Variants in CLDN16 observed in about 807,000 individuals in gnomAD.
CLDN16 encodes claudin 16.
In CLDN16, 13 loss-of-function variants were observed where a neutral mutation model predicts 24.6. The observed-to-expected ratio is 0.53, with a 90% CI of 0.34 to 0.84. The LOEUF is 0.84. Among genes scored for constraint, CLDN16 ranks in the 40% least tolerant of loss-of-function variants. The pLI is 0.01. For missense variants in CLDN16, 298 were observed against 292.7 expected (o/e 1.02, Z -0.13); for synonymous variants, 116 against 106.7 (o/e 1.09, Z -0.54).
chr3:190,290,476 A>T, the CLDN16 span, among the ~76,000 whole-genome samples: 1 of 152,182 alleles, frequency 6.6e-6, no homozygotes, highest in Non-Finnish European at 1.5e-5. Context: ...GATCTCTTTC[A>T]GTCCTAGGTG....
intron 1 of CLDN16, among the ~76,000 whole-genome samples, chr3:190,366,351 A>G (rs1352428019): frequency 6.6e-6 from 1 of 151,952 alleles, no homozygotes; most frequent in Non-Finnish European, 1.5e-5. Flanking sequence ...ACAGCATGCC[A>G]ACGCTATGAG....
At chr3:190,349,939 T>TA (rs1278317670) in intron 1 of CLDN16, among the ~76,000 whole-genome samples, 1 of 152,176 alleles carries the variant, frequency 6.6e-6, no homozygotes, top group Non-Finnish European at 1.5e-5. Flanking sequence ...GCATGGTAGC[T>TA]ACAATAATGA....
chr3:190,312,971 C>T, the CLDN16 span: 21 of 1,614,032 alleles, frequency 1.3e-5, no homozygotes, highest in South Asian at 2.2e-5. Context: ...ACGGTGGCCA[C>T]AAAGATTGCT....
At chr3:190,370,471 T>C (rs1223769476) in intron 1 of CLDN16, among the ~76,000 whole-genome samples, 1 of 151,970 alleles carries the variant, frequency 6.6e-6, no homozygotes, top group Non-Finnish European at 1.5e-5. Context: ...TATCACTCAT[T>C]ACGGCTTGGT....
At chr3:190,366,815 G>C (rs1239018318) in intron 1 of CLDN16, among the ~76,000 whole-genome samples, 4 of 151,896 alleles carry the variant, frequency 2.6e-5, no homozygotes, top group Non-Finnish European at 5.9e-5. Context: ...TCTCAGTTTT[G>C]AGCAATCAGC....
chr3:190,387,921 G>A, upstream of CLDN16: 1 of 608,370 alleles, frequency 1.6e-6, no homozygotes, highest in South Asian at 1.9e-5. Context: ...GAGGGCCTAA[G>A]AAAGATCAGT....
intron 1 of CLDN16, among the ~76,000 whole-genome samples, chr3:190,328,828 A>G (rs1717124789): frequency 6.6e-6 from 1 of 152,190 alleles, no homozygotes. Context: ...AAATTGAAAG[A>G]TTTCCCTAAA....
intron 1 of CLDN16, among the ~76,000 whole-genome samples, chr3:190,329,816 G>A (rs558416907): frequency 6.6e-6 from 1 of 152,278 alleles, no homozygotes; most frequent in East Asian, 1.9e-4. Flanking sequence ...ATGCTTTGGG[G>A]AGAGGAATCT....
chr3:190,296,835 C>T, the CLDN16 span, among the ~76,000 whole-genome samples: 3,084 of 152,202 alleles, frequency 0.02, 114 homozygotes, highest in African/African-American at 0.069. Flanking sequence ...CAGGCGTGAG[C>T]CACCGCGCCC....
At chr3:190,373,785 T>C (rs1471738197) in intron 2 of CLDN16, among the ~76,000 whole-genome samples, 3 of 151,844 alleles carry the variant, frequency 2.0e-5, no homozygotes, top group East Asian at 2.0e-4. Context: ...TAGTCAATGA[T>C]GTAGGAAATA....
At chr3:190,375,172 A>G (rs1231886288) in intron 3 of CLDN16, among the ~76,000 whole-genome samples, 4 of 151,984 alleles carry the variant, frequency 2.6e-5, no homozygotes, top group African/African-American at 7.2e-5. Context: ...GAGAAGTGAT[A>G]AGATAACCCT....
chr3:190,351,970 C>A (rs1212408272), intron 1 of CLDN16, among the ~76,000 whole-genome samples: 4 of 152,026 alleles, frequency 2.6e-5, no homozygotes, highest in African/African-American at 9.7e-5. Flanking sequence ...CTAGCAAGTA[C>A]AGCAAAATGT....
Position 190,410,497 on chromosome 3 carries a change from G to A in CLDN16, c.*461G>A, listed in dbSNP as rs944354002. On this transcript the variant is annotated 3_prime_UTR_variant, in exon 5 of 5. Coordinates refer to ENST00000264734, the MANE Select transcript of CLDN16 (RefSeq NM_006580.4). ...GGGTGAATTATTTGATAATTTTGAG[G>A]AAGATTATTCTTTTAAATTCAAACT... 1.2e-5 allele frequency: 2 copies of A among 160,480 alleles called. No individual in the cohort carries two copies. Among genetic ancestry groups the A allele is most frequent in the African/African-American group, 2.4e-5 (1 of 41,460 alleles). 9.9% of individuals were successfully genotyped at this position (160,480 alleles called of 1,614,324 possible).
the CLDN16 span, among the ~76,000 whole-genome samples, chr3:190,316,056 T>C: frequency 6.6e-6 from 1 of 152,222 alleles, no homozygotes; most frequent in Non-Finnish European, 1.5e-5. Flanking sequence ...TACAAAGTGT[T>C]CTTTCCAAGG....
At chr3:190,374,323 G>A (rs1049096091) in intron 2 of CLDN16, among the ~76,000 whole-genome samples, 2 of 144,104 alleles carry the variant, frequency 1.4e-5, no homozygotes, top group Non-Finnish European at 3.1e-5. Context: ...GGTTTTCCCT[G>A]AAGCAGAGTC....
intron 1 of CLDN16, among the ~76,000 whole-genome samples, chr3:190,331,018 A>G (rs980370076): frequency 1.3e-5 from 2 of 152,202 alleles, no homozygotes; most frequent in Admixed American, 1.3e-4. Context: ...ATGAGTAAAC[A>G]TGAGAAATAG....
the CLDN16 span, among the ~76,000 whole-genome samples, chr3:190,311,756 A>G: frequency 6.6e-6 from 1 of 151,564 alleles, no homozygotes; most frequent in African/African-American, 2.4e-5. Context: ...AAAGATATAT[A>G]TATACACACA....
At chr3:190,372,107 C>CA (rs1692744143) in intron 2 of CLDN16, among the ~76,000 whole-genome samples, 1 of 151,956 alleles carries the variant, frequency 6.6e-6, no homozygotes, top group African/African-American at 2.4e-5. Context: ...ACTTAGGTCA[C>CA]ATCCCAGCAG....
chr3:190,400,896 C>G (rs999831033), intron 1 of CLDN16, among the ~76,000 whole-genome samples: 8 of 152,180 alleles, frequency 5.3e-5, no homozygotes, highest in African/African-American at 1.4e-4. Context: ...CACACCCACA[C>G]ACTGCTGTGT....
Sources: gnomAD v4.1 joint callset for allele counts (sites outside exome capture counted in the v4.1 genomes callset) on GRCh38, gnomAD v4.1.1 for gene constraint, MANE v1.5 for transcripts, NCBI Gene and HGNC (gene_info 2026-07-23, HGNC 2026-07-21) for gene names.